Variants in HACL2 observed in about 807,000 individuals in gnomAD.
HACL2 encodes 2-hydroxyacyl-CoA lyase 1 like.
the HACL2 span, chr19:15,119,522 C>T: frequency 5.3e-5 from 85 of 1,611,146 alleles, no homozygotes; most frequent in East Asian, 1.8e-4. Context: ...GAACCTGGAG[C>T]GAGAGGTGGG....
chr19:15,115,285 C>G, the HACL2 span: 3 of 1,614,178 alleles, frequency 1.9e-6, no homozygotes, highest in East Asian at 6.7e-5. Context: ...GGAAGTCCGT[C>G]CTCCCAATGA....
the HACL2 span, chr19:15,122,956 C>T: frequency 1.2e-6 from 2 of 1,604,384 alleles, no homozygotes; most frequent in African/African-American, 2.7e-5. This position sits in a 1 kb window ranked among gnomAD's most constrained non-coding sequence, Gnocchi z 4.0. Flanking sequence ...CCCGCACCCT[C>T]CGCACAGACA....
chr19:15,115,063 T>C, the HACL2 span: 1 of 676,610 alleles, frequency 1.5e-6, no homozygotes, highest in Admixed American at 2.3e-5. Flanking sequence ...GTTGGGTCCG[T>C]GAAGAGGAGG....
the HACL2 span, chr19:15,122,670 A>G: frequency 6.3e-7 from 1 of 1,584,598 alleles, no homozygotes; most frequent in Non-Finnish European, 8.7e-7. This position sits in a 1 kb window ranked among gnomAD's most constrained non-coding sequence, Gnocchi z 4.0. Flanking sequence ...AAAGGAGGGA[A>G]TGGCAGGGGT....
At chr19:15,115,824 A>C in the HACL2 span, 9 of 1,611,926 alleles carry the variant, frequency 5.6e-6, no homozygotes, top group Non-Finnish European at 7.6e-6. Flanking sequence ...CCAGGCCCTA[A>C]GCTTCCCTCA....
At chr19:15,120,149 G>A in the HACL2 span, 2 of 1,043,276 alleles carry the variant, frequency 1.9e-6, no homozygotes, top group Non-Finnish European at 2.9e-6. Context: ...CAGGATCTGA[G>A]CAAGGAAAGG....
the HACL2 span, chr19:15,115,214 G>C: frequency 6.2e-7 from 1 of 1,612,152 alleles, no homozygotes; most frequent in Non-Finnish European, 8.5e-7. Context: ...CACAGTCCAG[G>C]GGCAGGAAGG....
the HACL2 span, chr19:15,117,963 G>A: frequency 1.9e-6 from 3 of 1,614,216 alleles, no homozygotes; most frequent in Non-Finnish European, 2.5e-6. Context: ...TGATGATCTT[G>A]CTGCTGTGGC....
chr19:15,115,321 G>T, the HACL2 span: 1 of 1,614,154 alleles, frequency 6.2e-7, no homozygotes, highest in Non-Finnish European at 8.5e-7. Context: ...CCGGGTGGCC[G>T]TCTCGGCACT....
chr19:15,122,343 C>T, the HACL2 span, among the ~76,000 whole-genome samples: 7 of 149,634 alleles, frequency 4.7e-5, no homozygotes, highest in Admixed American at 2.7e-4. This position sits in a 1 kb window ranked among gnomAD's most constrained non-coding sequence, Gnocchi z 4.0. Context: ...ACGGAGAGGA[C>T]GATGGGAAAG....
the HACL2 span, among the ~76,000 whole-genome samples, chr19:15,121,526 AGAG>A: frequency 6.6e-6 from 1 of 152,156 alleles, no homozygotes; most frequent in African/African-American, 2.4e-5. Flanking sequence ...AAGAAGAAGA[AGAG>A]AAGAGGCCAG....
the HACL2 span, chr19:15,118,032 G>C: frequency 1.2e-6 from 2 of 1,613,876 alleles, no homozygotes; most frequent in Non-Finnish European, 1.7e-6. Flanking sequence ...TGGGGGACAG[G>C]AATGCAGTAG....
the HACL2 span, chr19:15,115,430 T>A: frequency 6.2e-7 from 1 of 1,612,902 alleles, no homozygotes; most frequent in Non-Finnish European, 8.5e-7. Context: ...CTTGTGATAA[T>A]CTAAAAGAAG....
At chr19:15,115,136 T>G in the HACL2 span, 1 of 1,185,526 alleles carries the variant, frequency 8.4e-7, no homozygotes, top group Non-Finnish European at 1.3e-6. Flanking sequence ...CTCAGGGAGG[T>G]TGTGGAGTCA....
chr19:15,120,507 C>A, the HACL2 span, among the ~76,000 whole-genome samples: 1 of 152,198 alleles, frequency 6.6e-6, no homozygotes, highest in African/African-American at 2.4e-5. Flanking sequence ...GGACATGAGG[C>A]GCTTTGCATG....
chr19:15,115,454 T>G, the HACL2 span: 2 of 1,610,632 alleles, frequency 1.2e-6, no homozygotes, highest in Non-Finnish European at 1.7e-6. Context: ...TTAAGTCGGA[T>G]AGTGGCAAGG....
chr19:15,125,058 A>G, the HACL2 span: 4 of 1,548,458 alleles, frequency 2.6e-6, no homozygotes, highest in South Asian at 3.6e-5. Flanking sequence ...GGGGGTCTCC[A>G]TGAGGTGGTA....
the HACL2 span, chr19:15,116,175 C>T: frequency 6.2e-7 from 1 of 1,613,546 alleles, no homozygotes. Context: ...GCGCAGGGGG[C>T]CGCGGGGCTG....
At chr19:15,118,000 A>C in the HACL2 span, 1 of 1,614,156 alleles carries the variant, frequency 6.2e-7, no homozygotes, top group Non-Finnish European at 8.5e-7. Context: ...GGATAGGCGG[A>C]AGTCACACAC....
Sources: gnomAD v4.1 joint callset for allele counts (sites outside exome capture counted in the v4.1 genomes callset) on GRCh38, gnomAD v4.1.1 for gene constraint, Gnocchi (gnomAD v3.1) non-coding constraint, MANE v1.5 for transcripts, NCBI Gene and HGNC (gene_info 2026-07-23, HGNC 2026-07-21) for gene names.